HEYL: variants seen among roughly 807,000 people sequenced by gnomAD.
HEYL encodes the protein hairy/enhancer-of-split related with YRPW motif-like protein.
In HEYL, 12 loss-of-function variants were observed where a neutral mutation model predicts 18.6. That is an observed-to-expected ratio of 0.65 (90% CI 0.41 to 1.05). The LOEUF (loss-of-function observed/expected upper bound fraction) is 1.05. Among genes scored for constraint, HEYL ranks in the 50% least tolerant of loss-of-function variants. HEYL has a pLI of 0.00. For synonymous variants in HEYL, 159 were observed against 179.6 expected (o/e 0.89, Z 0.91); for missense variants, 420 against 444.7 (o/e 0.94, Z 0.50).
At chr1:39,634,748 T>C (rs1224648934) in intron 1 of HEYL, among the ~76,000 whole-genome samples, 3 of 152,264 alleles carry the variant, frequency 2.0e-5, no homozygotes, top group African/African-American at 7.2e-5. Flanking sequence ...TTTATATTTA[T>C]ATGGTTATTT....
Position 39,624,667 on chromosome 1 carries a change from A to C in HEYL, c.*1840T>G, listed in dbSNP as rs1012229269. On this transcript the variant is annotated 3_prime_UTR_variant, in exon 5 of 5. Coordinates refer to ENST00000372852, the MANE Select transcript of HEYL (RefSeq NM_014571.4). ...GTGAGTTCTGTCTTCCTTCTACCAC[A>C]GTCTCCCCTCTGCCTCCCTCCGGAG... 5 of 152,202 alleles carry C rather than the reference A, an allele frequency of 3.3e-5. No individual in the cohort carries two copies. Among genetic ancestry groups the C allele is most frequent in the African/African-American group, 1.2e-4 (5 of 41,388 alleles). The allele number at this position is 152,202 out of a possible 1,614,324, so 9.4% of individuals were successfully genotyped here.
rs1178281268 is a variant in HEYL, at chr1:39,626,560, C to T, written c.934G>A (p.Ala312Thr). Reference sequence around the variant, plus strand: ...GAGACCCAGGAGTGGTAGAGCATGGCTCCCGCTGGCCTCCCAGCTGGCCCT... The same window carrying T: ...GAGACCCAGGAGTGGTAGAGCATGGTTCCCGCTGGCCTCCCAGCTGGCCCT... ...SPGPAGRPAG[A>T]MLYHSWVSEI... Residue 312 changes from alanine to threonine, a missense_variant, in exon 5 of 5, where the codon GCC becomes ACC. Ala to Thr is a moderately conservative substitution (Grantham distance 58). Coordinates refer to ENST00000372852, the MANE Select transcript of HEYL (RefSeq NM_014571.4). 14 of 1,549,628 alleles carry T rather than the reference C, an allele frequency of 9.0e-6. No individual in the cohort carries two copies. Among genetic ancestry groups the T allele is most frequent in the African/African-American group, 1.4e-5 (1 of 72,974 alleles).
chr1:39,631,669 A>G, intron 2 of HEYL, 90 bp from the exon 3 acceptor site: 1 of 1,020,800 alleles, frequency 9.8e-7, no homozygotes, highest in Non-Finnish European at 1.5e-6. Flanking sequence ...TTACCCACAC[A>G]GTATTTTTGT....
intron 1 of HEYL, among the ~76,000 whole-genome samples, chr1:39,636,328 A>G (rs1646362474): frequency 6.6e-6 from 1 of 150,812 alleles, no homozygotes; most frequent in Admixed American, 6.6e-5. Context: ...GTGCAGTGGC[A>G]CAATCTCAGC....
At chr1:39,628,758 C>G (rs537964882) in intron 4 of HEYL, among the ~76,000 whole-genome samples, 2 of 151,880 alleles carry the variant, frequency 1.3e-5, no homozygotes, top group African/African-American at 2.4e-5. Context: ...CCACCACACC[C>G]GGCTGATTTC....
In HEYL at chr1:39,632,367, C is replaced by T. The variant is rs939745307; in HGVS notation, c.147+282G>A. Reference sequence around the variant, plus strand: ...ACAATCATAATGGCCTATTGTGTGTCTGCTATTGTTTAGAGCATTACATTA... The same window carrying T: ...ACAATCATAATGGCCTATTGTGTGTTTGCTATTGTTTAGAGCATTACATTA... On this transcript the variant is annotated intron_variant, in intron 2 of 4. Coordinates refer to ENST00000372852, the MANE Select transcript of HEYL (RefSeq NM_014571.4). 1.2e-4 allele frequency among the ~76,000 whole-genome samples: 18 copies of T among 152,224 alleles called. No homozygotes were observed. The Middle Eastern group carries it at 9.5e-3, about 80-fold the overall frequency.
At chr1:39,636,288 A>G (rs1436222432) in intron 1 of HEYL, among the ~76,000 whole-genome samples, 1 of 149,352 alleles carries the variant, frequency 6.7e-6, no homozygotes, top group Non-Finnish European at 1.5e-5. Context: ...CTTTTTTGAG[A>G]CAGAGTCTTA....
Position 39,630,113 on chromosome 1 carries a change from A to T in HEYL, c.313+114T>A, listed in dbSNP as rs1365598776. ...AGCTTTGCAAATGTTCCCTCCATTG[A>T]CTGAGCTCCTCAGAGTGGGCAGCGT... On this transcript the variant is annotated intron_variant, in intron 4 of 4. Coordinates refer to ENST00000372852, the MANE Select transcript of HEYL (RefSeq NM_014571.4). 4.8e-6 allele frequency: 4 copies of T among 825,480 alleles called. No homozygotes were observed. The African/African-American group carries it at 6.7e-5, about 14-fold the overall frequency. 51.1% of individuals were successfully genotyped at this position (825,480 alleles called of 1,614,324 possible).
intron 4 of HEYL, among the ~76,000 whole-genome samples, chr1:39,628,698 T>A (rs756923831): frequency 6.6e-6 from 1 of 152,086 alleles, no homozygotes; most frequent in Non-Finnish European, 1.5e-5. Flanking sequence ...TCTGGGTTCA[T>A]GCCATTCTCC....
At chr1:39,629,882 C>T (rs891643657) in intron 4 of HEYL, among the ~76,000 whole-genome samples, 1 of 152,184 alleles carries the variant, frequency 6.6e-6, no homozygotes, top group African/African-American at 2.4e-5. Flanking sequence ...TAAGGGGGGT[C>T]AGATTGGGAT....
intron 3 of HEYL, 75 bp downstream of exon 3, chr1:39,631,421 G>A (rs549868767): frequency 8.2e-7 from 1 of 1,217,284 alleles, no homozygotes; most frequent in South Asian, 1.2e-5. Context: ...CAATCAACAA[G>A]AGATGCCATG....
In HEYL at chr1:39,639,559, C is replaced by T. The variant is rs1385738333; in HGVS notation, c.67G>A (p.Glu23Lys). The change falls in exon 1 of 5, where the codon GAG becomes AAG. Residue 23 changes from glutamate (E) to lysine (K), a missense_variant. Coordinates refer to ENST00000372852, the MANE Select transcript of HEYL (RefSeq NM_014571.4). Reference sequence around the variant, plus strand: ...CCCGGCCCTTACCTCAGCTGGCCCTCTTGGCCCACGTCGATGGGTCCGTCG... The same window carrying T: ...CCCGGCCCTTACCTCAGCTGGCCCTTTTGGCCCACGTCGATGGGTCCGTCG... ...ESDGPIDVGQ[E>K]GQLSQMARPL... The T allele has an allele frequency of 6.3e-7, 1 of 1,584,424 alleles. No homozygotes were observed. The highest frequency in any genetic ancestry group is 1.1e-5 in the South Asian group (1 of 87,988).
At chr1:39,637,349 G>A (rs1646366414) in intron 1 of HEYL, among the ~76,000 whole-genome samples, 1 of 152,244 alleles carries the variant, frequency 6.6e-6, no homozygotes, top group Non-Finnish European at 1.5e-5. Context: ...GAGTGTGGGG[G>A]TTTTGCGCCC....
rs755140248 is a variant in HEYL at position 39,623,689 on chromosome 1, C to T, written c.*2818G>A. On this transcript the variant is annotated 3_prime_UTR_variant, in exon 5 of 5. Coordinates refer to ENST00000372852, the MANE Select transcript of HEYL (RefSeq NM_014571.4). ...AAGTAGTCGAGGAAGGCCTCTTGGACGAGGCAACGTTGAAGCCAAGGCCTG... is the reference window on the plus strand; with the variant it reads ...AAGTAGTCGAGGAAGGCCTCTTGGATGAGGCAACGTTGAAGCCAAGGCCTG... Among the ~76,000 whole-genome samples the T allele has an allele frequency of 1.3e-5, 2 of 152,198 alleles. No individual in the cohort carries two copies. Among genetic ancestry groups the T allele is most frequent in the South Asian group, 2.1e-4 (1 of 4,832 alleles).
chr1:39,631,086 C>A (rs1646330515), intron 3 of HEYL, among the ~76,000 whole-genome samples: 1 of 152,224 alleles, frequency 6.6e-6, no homozygotes, highest in African/African-American at 2.4e-5. Flanking sequence ...GTGCTCACTC[C>A]CTGAGCAGCC....
At position 39,631,478 on chromosome 1, in the gene HEYL, A is replaced by G. The variant is rs1185565238; in HGVS notation, c.231+18T>C. ...CCCACACAGTATTTCCTCTAGCACA[A>G]TCAGCAATGTCACATACCTGTTTCT... On this transcript the variant is annotated intron_variant, in intron 3 of 4. Transcript: ENST00000372852. 6.2e-7 allele frequency: 1 copy of G among 1,611,282 alleles called. No homozygotes were observed. The highest frequency in any genetic ancestry group is 8.5e-7 in the Non-Finnish European group (1 of 1,177,326).
intron 1 of HEYL, chr1:39,632,974 G>C: frequency 1.0e-6 from 1 of 980,878 alleles, no homozygotes; most frequent in Non-Finnish European, 1.2e-6. Flanking sequence ...GGCCGTCGGG[G>C]AACCGCGTAC....
At chr1:39,638,261 A>G (rs758041147) in intron 1 of HEYL, among the ~76,000 whole-genome samples, 3 of 152,160 alleles carry the variant, frequency 2.0e-5, no homozygotes, top group Non-Finnish European at 4.4e-5. Flanking sequence ...AAAACTGGAG[A>G]GCACTAAAAT....
At chr1:39,629,432 C>T (rs1349881380) in intron 4 of HEYL, among the ~76,000 whole-genome samples, 1 of 152,194 alleles carries the variant, frequency 6.6e-6, no homozygotes, top group Non-Finnish European at 1.5e-5. Flanking sequence ...AGACCTACTG[C>T]CTCAGAATCT....
Sources: allele counts gnomAD v4.1 joint callset (sites outside exome capture counted in the v4.1 genomes callset), GRCh38; gene constraint gnomAD v4.1.1; transcripts MANE v1.5; gene names NCBI Gene and HGNC (gene_info 2026-07-23, HGNC 2026-07-21).